TRAF3: variants seen among roughly 807,000 people sequenced by gnomAD.
The protein encoded by TRAF3 is TNF receptor associated factor 3, also known as TNF receptor-associated factor 3.
TRAF3 carries 13 observed loss-of-function variants against 62.3 expected under a neutral mutation model. That is an observed-to-expected ratio of 0.21 (90% CI 0.14 to 0.33). The LOEUF is 0.33. Ranked by LOEUF, TRAF3 falls within the 10% of genes least tolerant of loss-of-function variation. The pLI is 1.00. For missense variants in TRAF3, 440 were observed against 741.8 expected (o/e 0.59, Z 4.73); for synonymous variants, 269 against 283.4 (o/e 0.95, Z 0.51).
At chr14:102,827,524 C>T (rs912183478) in intron 1 of TRAF3, among the ~76,000 whole-genome samples, 4 of 152,204 alleles carry the variant, frequency 2.6e-5, no homozygotes, top group African/African-American at 9.7e-5. Context: ...GTGCATGAAA[C>T]AGAGTTTTGA....
At chr14:102,888,433 C>T (rs1889526077) in intron 7 of TRAF3, among the ~76,000 whole-genome samples, 1 of 152,186 alleles carries the variant, frequency 6.6e-6, no homozygotes, top group South Asian at 2.1e-4. Context: ...TGTCCCTCCT[C>T]CTTAGTTTCG....
intron 6 of TRAF3, among the ~76,000 whole-genome samples, chr14:102,878,397 AGTGT>A (rs769328021): frequency 1.2e-4 from 5 of 41,710 alleles, no homozygotes; most frequent in East Asian, 6.2e-4. Flanking sequence ...AATGTGGGTG[AGTGT>A]GTGGGGGTGT....
intron 1 of TRAF3, among the ~76,000 whole-genome samples, chr14:102,807,949 G>A (rs1366771926): frequency 6.6e-6 from 1 of 152,170 alleles, no homozygotes; most frequent in African/African-American, 2.4e-5. Context: ...AATCAGTACT[G>A]GAAGGAAGTT....
intron 2 of TRAF3, among the ~76,000 whole-genome samples, chr14:102,857,817 A>T (rs1043140697): frequency 2.6e-5 from 4 of 152,240 alleles, no homozygotes; most frequent in African/African-American, 9.6e-5. Flanking sequence ...CCTGTTGCAA[A>T]AGAAAACAGA....
chr14:102,830,988 C>T (rs1302857223), intron 2 of TRAF3, among the ~76,000 whole-genome samples: 4 of 152,164 alleles, frequency 2.6e-5, no homozygotes, highest in Non-Finnish European at 4.4e-5. Context: ...TTTTTTTAGC[C>T]AGATTCCATT....
intron 1 of TRAF3, among the ~76,000 whole-genome samples, chr14:102,802,937 G>A (rs1319881295): frequency 2.0e-5 from 3 of 152,202 alleles, no homozygotes; most frequent in Non-Finnish European, 4.4e-5. Context: ...TACAATCATG[G>A]TGGAAGGGGA....
chr14:102,779,601 G>A lies in TRAF3; in HGVS notation c.-157+1926G>A, dbSNP rs1897188054. ...TTTAATTTTTCACTGTGCAACTCAA[G>A]AAGGACCTTTCTAGGGTATTGTCAG... is the stretch of plus-strand genomic sequence containing the variant. On this transcript the variant is annotated intron_variant, in intron 1 of 11. Transcript: ENST00000392745. Among the ~76,000 whole-genome samples the A allele has an allele frequency of 2.0e-5, 3 of 152,214 alleles. No homozygotes were observed. In the South Asian group the frequency reaches 6.2e-4, roughly 32 times the overall value.
In TRAF3 at chr14:102,867,061, G is replaced by T. The variant is rs149599053; in HGVS notation, c.-17-3124G>T. On this transcript the variant is annotated intron_variant, in intron 2 of 11. Transcript: ENST00000392745. ...CTGATAACTGTAAGTGTTGGTGAGAGTGTGGTTTCATAGAAATTCTTGTGC... is the reference window on the plus strand; with the variant it reads ...CTGATAACTGTAAGTGTTGGTGAGATTGTGGTTTCATAGAAATTCTTGTGC... Among the ~76,000 whole-genome samples, 29 of 152,332 alleles carry T rather than the reference G, an allele frequency of 1.9e-4. No homozygotes were observed. The East Asian group carries it at 5.2e-3, about 27-fold the overall frequency.
At chr14:102,861,495 G>T (rs1887676045) in intron 2 of TRAF3, among the ~76,000 whole-genome samples, 1 of 152,064 alleles carries the variant, frequency 6.6e-6, no homozygotes, top group Non-Finnish European at 1.5e-5. Flanking sequence ...CCTAAGTTGG[G>T]CCTCTAACCC....
intron 9 of TRAF3, among the ~76,000 whole-genome samples, chr14:102,896,905 A>G (rs907405416): frequency 6.6e-6 from 1 of 152,146 alleles, no homozygotes; most frequent in Non-Finnish European, 1.5e-5. Flanking sequence ...CTCTAAAAAA[A>G]TTATTTTTTT....
At chr14:102,791,528 G>A (rs889336960) in intron 1 of TRAF3, among the ~76,000 whole-genome samples, 4 of 152,084 alleles carry the variant, frequency 2.6e-5, no homozygotes, top group African/African-American at 9.7e-5. Flanking sequence ...ATTTTTGTAT[G>A]TTGGTCTTAT....
intron 2 of TRAF3, 137 bp from the exon 3 acceptor site, chr14:102,870,048 A>G: frequency 2.0e-6 from 2 of 979,830 alleles, no homozygotes; most frequent in Non-Finnish European, 3.2e-6. Flanking sequence ...TTCCCAACAC[A>G]TATTAAAGTT....
chr14:102,807,914 C>T (rs990643621), intron 1 of TRAF3, among the ~76,000 whole-genome samples: 6 of 152,146 alleles, frequency 3.9e-5, no homozygotes, highest in African/African-American at 1.2e-4. Flanking sequence ...GCACCATGGC[C>T]TTGGCATAAT....
Position 102,870,453 on chromosome 14 carries a change from G to A in TRAF3, c.245+7G>A, listed in dbSNP as rs549971853. 9 of 1,612,366 alleles carry A rather than the reference G, an allele frequency of 5.6e-6. No individual in the cohort carries two copies. The highest frequency in any genetic ancestry group is 5.3e-5 in the African/African-American group (4 of 74,884). On this transcript the variant is annotated splice_region_variant and intron_variant, in intron 3 of 11. Transcript: ENST00000392745. Reference sequence around the variant, plus strand: ...GCATGGCGGCCCTGCTGAGGTAGGCGCCCTCGCCCGGCCCGTCGCCCGGCC... The same window carrying A: ...GCATGGCGGCCCTGCTGAGGTAGGCACCCTCGCCCGGCCCGTCGCCCGGCC...
chr14:102,786,059 C>G (rs893637948), intron 1 of TRAF3, among the ~76,000 whole-genome samples: 19 of 152,260 alleles, frequency 1.2e-4, no homozygotes, highest in African/African-American at 4.6e-4. Context: ...TTTCTGCAGT[C>G]TGGTCTATGA....
chr14:102,852,809 T>TCC (rs1273972335), intron 2 of TRAF3, among the ~76,000 whole-genome samples: 2 of 152,172 alleles, frequency 1.3e-5, no homozygotes, highest in African/African-American at 2.4e-5. Flanking sequence ...TAAGCAGTTC[T>TCC]CCCGCCTCAG....
intron 2 of TRAF3, among the ~76,000 whole-genome samples, chr14:102,835,550 C>A (rs1243362240): frequency 3.3e-5 from 5 of 152,184 alleles, no homozygotes; most frequent in African/African-American, 1.2e-4. Context: ...ACATTTATAT[C>A]ATGGGGTACG....
rs140293686 is a variant in TRAF3 at position 102,889,217 on chromosome 14, T to G, written c.652-343T>G. On this transcript the variant is annotated intron_variant, in intron 7 of 11. Coordinates refer to ENST00000392745, the MANE Select transcript of TRAF3 (RefSeq NM_145725.3). ...TTTTTTTGTGTTTTCATGCAATTTT[T>G]GTTTATGGTCTTTAAATGTGCATTT... Among the ~76,000 whole-genome samples the G allele has an allele frequency of 2.2e-4, 34 of 152,378 alleles. No homozygotes were observed. In the East Asian group the frequency reaches 6.4e-3, roughly 28 times the overall value.
At position 102,903,737 on chromosome 14, in the gene TRAF3, C is replaced by A. The variant is rs759922451; in HGVS notation, c.1135+308C>A. 2 of 525,560 alleles carry A rather than the reference C, an allele frequency of 3.8e-6. No individual in the cohort carries two copies. Among genetic ancestry groups the A allele is most frequent in the South Asian group, 3.1e-5 (2 of 65,194 alleles). The allele number at this position is 525,560 out of a possible 1,614,324, so 32.6% of individuals were successfully genotyped here. A position where few individuals can be genotyped will look rare whatever the true frequency, so the allele number is the denominator to read the frequency against. ...ACTGGCCGCAGGGTGACCCACAGGA[C>A]AGGCCCAAGCGCAGATGGCAGAGGC... On this transcript the variant is annotated intron_variant, in intron 11 of 11. Coordinates refer to ENST00000392745, the MANE Select transcript of TRAF3 (RefSeq NM_145725.3). The surrounding 1 kb of genome is among the most constrained non-coding windows in gnomAD (Gnocchi z 6.4).
Sources: gnomAD v4.1 joint callset for allele counts (sites outside exome capture counted in the v4.1 genomes callset) on GRCh38, gnomAD v4.1.1 for gene constraint, Gnocchi (gnomAD v3.1) non-coding constraint, MANE v1.5 for transcripts, NCBI Gene and HGNC (gene_info 2026-07-23, HGNC 2026-07-21) for gene names.